RAB38: variants seen among roughly 807,000 people sequenced by gnomAD.
The protein encoded by RAB38 is RAB38, member RAS oncogene family, also known as ras-related protein Rab-38.
In RAB38, 15 loss-of-function variants were observed where a neutral mutation model predicts 18.4. The ratio of observed to expected loss-of-function variants is 0.82; its 90% CI spans 0.55 to 1.26. The LOEUF (loss-of-function observed/expected upper bound fraction) is 1.26, where lower values mean the gene tolerates loss of function less well. Ranked by LOEUF, RAB38 falls within the 50% of genes most tolerant of loss-of-function variation. The pLI is 0.00. For missense variants in RAB38, 294 were observed against 267.4 expected, an observed-to-expected ratio of 1.10 and a Z score of -0.69; for synonymous variants, 101 against 104.4, an observed-to-expected ratio of 0.97 and a Z score of 0.20.
the RAB38 span, among the ~76,000 whole-genome samples, chr11:88,072,292 C>T: frequency 2.6e-5 from 4 of 152,140 alleles, no homozygotes; most frequent in Non-Finnish European, 5.9e-5. Context: ...CATCAGCAGA[C>T]TGGACACAGC....
the RAB38 span, among the ~76,000 whole-genome samples, chr11:88,029,578 T>C: frequency 1.3e-5 from 2 of 152,086 alleles, no homozygotes; most frequent in Non-Finnish European, 1.5e-5. Context: ...GGGTTTGCAG[T>C]CCTAGTCTCT....
At chr11:87,814,106 G>C in the RAB38 span, among the ~76,000 whole-genome samples, 1 of 152,104 alleles carries the variant, frequency 6.6e-6, no homozygotes, top group African/African-American at 2.4e-5. Context: ...GTCTTGCTTT[G>C]AATAATTGAC....
At chr11:88,151,257 T>C (rs901349812) in intron 1 of RAB38, among the ~76,000 whole-genome samples, 2 of 152,248 alleles carry the variant, frequency 1.3e-5, no homozygotes, top group African/African-American at 4.8e-5. Context: ...TAGTACCTTA[T>C]ACTTGAGTTT....
chr11:88,138,580 T>C lies in RAB38; in HGVS notation c.483+11095A>G, dbSNP rs145261981. Among the ~76,000 whole-genome samples the C allele has an allele frequency of 5.4e-3, 819 of 152,226 alleles. 5 individuals are homozygous for C. Among genetic ancestry groups the C allele is most frequent in the African/African-American group, 0.019 (780 of 41,542 alleles). The stretch of plus-strand genomic sequence containing the variant: ...GAATAGAGAGAGTTGGGTTCTAATT[T>C]TGACTCTGCCACCTGCTAACCATAG... On this transcript the variant is annotated intron_variant, in intron 2 of 2. Coordinates refer to ENST00000243662, the MANE Select transcript of RAB38 (RefSeq NM_022337.3).
At chr11:87,909,015 T>A in the RAB38 span, among the ~76,000 whole-genome samples, 2 of 151,978 alleles carry the variant, frequency 1.3e-5, no homozygotes, top group African/African-American at 4.8e-5. Flanking sequence ...GATGCTTCAG[T>A]GTATTCCAGT....
At chr11:87,907,435 TA>T in the RAB38 span, among the ~76,000 whole-genome samples, 1 of 151,654 alleles carries the variant, frequency 6.6e-6, no homozygotes, top group Non-Finnish European at 1.5e-5. Context: ...ATCAAGAGAT[TA>T]GTTCTTTGAC....
At chr11:87,841,403 C>A in the RAB38 span, among the ~76,000 whole-genome samples, 16 of 152,270 alleles carry the variant, frequency 1.1e-4, no homozygotes, top group Non-Finnish European at 2.1e-4. Context: ...CCCCTTCTAC[C>A]ATGACTTAGC....
downstream of RAB38, among the ~76,000 whole-genome samples, chr11:88,108,543 CAT>C (rs1171387350): frequency 6.6e-6 from 1 of 152,152 alleles, no homozygotes; most frequent in Admixed American, 6.5e-5. Context: ...TGTCTCTGCA[CAT>C]GAGATGGGTC....
chr11:88,053,485 A>G, the RAB38 span, among the ~76,000 whole-genome samples: 2 of 147,720 alleles, frequency 1.4e-5, no homozygotes, highest in Admixed American at 1.4e-4. Flanking sequence ...ACACACATAT[A>G]TATGGAATAT....
the RAB38 span, among the ~76,000 whole-genome samples, chr11:88,076,952 C>T: frequency 2.7e-5 from 1 of 36,584 alleles, no homozygotes; most frequent in Non-Finnish European, 4.6e-5. Context: ...GAGAGAGACT[C>T]CATCAAAAAA....
the RAB38 span, among the ~76,000 whole-genome samples, chr11:88,089,278 T>C: frequency 1.3e-5 from 2 of 151,856 alleles, no homozygotes; most frequent in Admixed American, 6.6e-5. Flanking sequence ...TTAGTAATTG[T>C]ACTTTCTGGC....
chr11:88,027,302 G>A, the RAB38 span, among the ~76,000 whole-genome samples: 1 of 152,272 alleles, frequency 6.6e-6, no homozygotes, highest in African/African-American at 2.4e-5. Flanking sequence ...CGACGCAGAA[G>A]ACGGGTGATT....
chr11:87,905,867 G>A, the RAB38 span, among the ~76,000 whole-genome samples: 3 of 151,926 alleles, frequency 2.0e-5, no homozygotes, highest in African/African-American at 7.2e-5. Flanking sequence ...CTGCAAATTA[G>A]ATTCTGTAGT....
At chr11:88,064,140 C>CAA in the RAB38 span, among the ~76,000 whole-genome samples, 1 of 152,132 alleles carries the variant, frequency 6.6e-6, no homozygotes, top group Admixed American at 6.5e-5. Context: ...GGGTGGAGTG[C>CAA]AATGAGTCAC....
At chr11:87,942,072 A>G in the RAB38 span, among the ~76,000 whole-genome samples, 2 of 152,180 alleles carry the variant, frequency 1.3e-5, no homozygotes, top group Non-Finnish European at 2.9e-5. Context: ...CTGTTGATTT[A>G]CTGGCTGCAA....
At chr11:87,900,949 T>A in the RAB38 span, among the ~76,000 whole-genome samples, 7 of 151,742 alleles carry the variant, frequency 4.6e-5, no homozygotes, top group Admixed American at 1.3e-4. Context: ...TTAATATATA[T>A]GTTTATTCCA....
intron 1 of RAB38, among the ~76,000 whole-genome samples, chr11:88,174,550 G>C (rs561645775): frequency 7.1e-6 from 1 of 140,656 alleles, no homozygotes; most frequent in Admixed American, 7.5e-5. Flanking sequence ...AATACAGAAA[G>C]AGAGGGAGAA....
the RAB38 span, among the ~76,000 whole-genome samples, chr11:88,084,145 T>C: frequency 1.3e-5 from 2 of 151,748 alleles, no homozygotes; most frequent in Non-Finnish European, 2.9e-5. Flanking sequence ...GGAGTAATAA[T>C]GTGTGTGACA....
chr11:87,858,044 G>T, the RAB38 span, among the ~76,000 whole-genome samples: 3 of 151,988 alleles, frequency 2.0e-5, no homozygotes, highest in South Asian at 6.2e-4. Context: ...TTTTGTATAC[G>T]GTGTAAGGAA....
Sources: gnomAD v4.1 joint callset for allele counts (sites outside exome capture counted in the v4.1 genomes callset) on GRCh38, gnomAD v4.1.1 for gene constraint, MANE v1.5 for transcripts, NCBI Gene and HGNC (gene_info 2026-07-23, HGNC 2026-07-21) for gene names.